The following ARB2A variants were observed in gnomAD, a reference collection of about 807,000 sequenced individuals.
ARB2A encodes cotranscriptional regulator ARB2A.
chr5:93,776,189 T>G, the ARB2A span: 2 of 1,610,726 alleles, frequency 1.2e-6, no homozygotes, highest in Non-Finnish European at 1.7e-6. Context: ...TCAGGTAGCA[T>G]GGACTCCACT....
chr5:93,847,367 T>C, the ARB2A span, among the ~76,000 whole-genome samples: 1 of 152,216 alleles, frequency 6.6e-6, no homozygotes, highest in African/African-American at 2.4e-5. Flanking sequence ...CAGTTCTGAT[T>C]TTAGAATAAG....
the ARB2A span, among the ~76,000 whole-genome samples, chr5:94,072,808 C>A: frequency 6.6e-6 from 1 of 152,138 alleles, no homozygotes; most frequent in Non-Finnish European, 1.5e-5. Flanking sequence ...AAAGAGATGA[C>A]ATAACTTTCT....
the ARB2A span, among the ~76,000 whole-genome samples, chr5:94,020,246 G>A: frequency 6.6e-6 from 1 of 151,702 alleles, no homozygotes; most frequent in East Asian, 1.9e-4. Flanking sequence ...ACGGGGCGGG[G>A]GGGGTAACAT....
At chr5:93,741,321 G>T in the ARB2A span, 1 of 1,613,050 alleles carries the variant, frequency 6.2e-7, no homozygotes, top group African/African-American at 1.3e-5. Flanking sequence ...CTCCAAGACG[G>T]GGCCTGCAGG....
At chr5:94,101,292 T>A in the ARB2A span, among the ~76,000 whole-genome samples, 1 of 151,992 alleles carries the variant, frequency 6.6e-6, no homozygotes, top group Admixed American at 6.6e-5. Flanking sequence ...TATTAAAAAG[T>A]CAAAAAATAA....
chr5:94,081,871 A>C, the ARB2A span, among the ~76,000 whole-genome samples: 14 of 152,114 alleles, frequency 9.2e-5, no homozygotes, highest in Non-Finnish European at 1.9e-4. Context: ...TCAAAAAAAA[A>C]AAATCTTGAC....
At chr5:94,095,134 G>T in the ARB2A span, among the ~76,000 whole-genome samples, 1 of 152,160 alleles carries the variant, frequency 6.6e-6, no homozygotes, top group Non-Finnish European at 1.5e-5. Context: ...CATGGTTGAG[G>T]TCAGCCTCCA....
chr5:93,711,228 C>A, the ARB2A span, among the ~76,000 whole-genome samples: 1 of 142,338 alleles, frequency 7.0e-6, no homozygotes, highest in Admixed American at 7.2e-5. Flanking sequence ...TGGTCACATA[C>A]ATATCTCCCC....
At chr5:93,899,292 T>A in the ARB2A span, among the ~76,000 whole-genome samples, 2 of 152,118 alleles carry the variant, frequency 1.3e-5, no homozygotes, top group Non-Finnish European at 2.9e-5. Flanking sequence ...ATTGCTAAAA[T>A]GACAGCTTAG....
At chr5:93,767,574 C>T in the ARB2A span, among the ~76,000 whole-genome samples, 2 of 152,202 alleles carry the variant, frequency 1.3e-5, no homozygotes, top group East Asian at 3.9e-4. Flanking sequence ...TACTTGCACA[C>T]ACGTTTAAGT....
chr5:93,869,563 C>T, the ARB2A span, among the ~76,000 whole-genome samples: 804 of 152,258 alleles, frequency 5.3e-3, 7 homozygotes, highest in Non-Finnish European at 8.9e-3. Flanking sequence ...AATTGCATTA[C>T]TTCTTTTAAT....
the ARB2A span, chr5:93,740,765 G>T: frequency 1.2e-6 from 2 of 1,611,932 alleles, no homozygotes; most frequent in Non-Finnish European, 1.7e-6. Context: ...TTGGTTGGTC[G>T]ACTGCCCATC....
At chr5:93,743,681 T>G in the ARB2A span, 45 of 489,804 alleles carry the variant, frequency 9.2e-5, no homozygotes, top group Non-Finnish European at 1.2e-4. Flanking sequence ...TTTTTTTTTT[T>G]TTTGAGACGG....
At chr5:94,037,269 C>T in the ARB2A span, among the ~76,000 whole-genome samples, 3 of 152,010 alleles carry the variant, frequency 2.0e-5, no homozygotes, top group Admixed American at 1.3e-4. Flanking sequence ...CTATCCTATA[C>T]GTAGTATTCC....
the ARB2A span, among the ~76,000 whole-genome samples, chr5:93,959,359 T>G: frequency 2.6e-5 from 4 of 152,146 alleles, no homozygotes; most frequent in Non-Finnish European, 5.9e-5. Flanking sequence ...GTGGTACTAT[T>G]ATTATATTGA....
the ARB2A span, among the ~76,000 whole-genome samples, chr5:93,630,739 C>T: frequency 6.6e-6 from 1 of 151,912 alleles, no homozygotes; most frequent in Non-Finnish European, 1.5e-5. Flanking sequence ...GAGTTGGAGG[C>T]CAGGCTGGGC....
the ARB2A span, chr5:94,050,857 C>G: frequency 2.0e-6 from 3 of 1,466,294 alleles, no homozygotes; most frequent in African/African-American, 2.8e-5. Context: ...AACAATATTG[C>G]TATACTTCAA....
At chr5:93,804,862 C>T in the ARB2A span, 1 of 790,226 alleles carries the variant, frequency 1.3e-6, no homozygotes, top group South Asian at 5.8e-5. Context: ...GAAATTTGTA[C>T]ATATACTGCA....
chr5:94,001,633 C>T, the ARB2A span, among the ~76,000 whole-genome samples: 6 of 152,062 alleles, frequency 3.9e-5, no homozygotes, highest in African/African-American at 1.4e-4. Flanking sequence ...CATTTTTACA[C>T]AGTGCTTTTG....
Sources: gnomAD v4.1 joint callset for allele counts (sites outside exome capture counted in the v4.1 genomes callset) on GRCh38, gnomAD v4.1.1 for gene constraint, MANE v1.5 for transcripts, NCBI Gene and HGNC (gene_info 2026-07-23, HGNC 2026-07-21) for gene names.